Variants in ZNF804A observed in about 807,000 individuals in gnomAD.
ZNF804A encodes zinc finger protein 804A.
In ZNF804A, 2 loss-of-function variants were observed where a neutral mutation model predicts 16.5. The observed-to-expected ratio is 0.12, with a 90% CI of 0.05 to 0.38. ZNF804A has a LOEUF of 0.38. Ranked by LOEUF, ZNF804A falls within the 10% of genes least tolerant of loss-of-function variation. The pLI, the probability that ZNF804A is intolerant of heterozygous loss-of-function variation, is 0.99. For synonymous variants in ZNF804A, 534 were observed against 489.6 expected, an observed-to-expected ratio of 1.09 and a Z score of -1.20; for missense variants, 1,473 against 1,390.7, an observed-to-expected ratio of 1.06 and a Z score of -0.94.
chr2:184,804,339 C>G (rs1003513445), intron 1 of ZNF804A, among the ~76,000 whole-genome samples: 2 of 152,110 alleles, frequency 1.3e-5, no homozygotes, highest in African/African-American at 4.8e-5. Flanking sequence ...CACTATTAAA[C>G]CAACCAGAGA....
chr2:184,921,847 T>C (rs1211707682), intron 2 of ZNF804A, among the ~76,000 whole-genome samples: 2 of 152,012 alleles, frequency 1.3e-5, no homozygotes, highest in African/African-American at 2.4e-5. Flanking sequence ...TTATCTCCCA[T>C]AGATAAGTGA....
chr2:184,809,103 G>A (rs1694853735), intron 1 of ZNF804A, among the ~76,000 whole-genome samples: 1 of 151,858 alleles, frequency 6.6e-6, no homozygotes, highest in South Asian at 2.1e-4. Context: ...GTTAGGCAAT[G>A]TTTGGGGAAA....
At chr2:184,702,494 C>G (rs1198456851) in intron 1 of ZNF804A, among the ~76,000 whole-genome samples, 1 of 151,966 alleles carries the variant, frequency 6.6e-6, no homozygotes, top group Non-Finnish European at 1.5e-5. Flanking sequence ...ATTTCTAATC[C>G]TGACTCCTGA....
At position 184,870,678 on chromosome 2, in the gene ZNF804A, G is replaced by C. The variant is rs372423043; in HGVS notation, c.255+4166G>C. On this transcript the variant is annotated intron_variant, in intron 2 of 3. Transcript: ENST00000302277. ...CATATATATAAGTGTAAAAAGGCTA[G>C]TGTCAAAATTCATTTTGAGATTTTG... Among the ~76,000 whole-genome samples the C allele has an allele frequency of 8.4e-4, 128 of 152,108 alleles. 1 individual carries two copies. In the South Asian group the frequency reaches 0.026, roughly 31 times the overall value.
chr2:184,934,467 G>A (rs1194534505), intron 3 of ZNF804A, among the ~76,000 whole-genome samples: 2 of 151,988 alleles, frequency 1.3e-5, no homozygotes, highest in Non-Finnish European at 2.9e-5. Context: ...TATGGGATAC[G>A]TTGACATATC....
intron 1 of ZNF804A, among the ~76,000 whole-genome samples, chr2:184,724,997 G>A (rs1223159249): frequency 6.6e-6 from 1 of 151,702 alleles, no homozygotes; most frequent in Non-Finnish European, 1.5e-5. Context: ...TTAAAAATTA[G>A]TGAATACATA....
chr2:184,706,935 G>C (rs1417709083), intron 1 of ZNF804A, among the ~76,000 whole-genome samples: 1 of 152,122 alleles, frequency 6.6e-6, no homozygotes, highest in Admixed American at 6.5e-5. Context: ...GTTTATATGT[G>C]TATTTCAATA....
chr2:184,690,025 C>T (rs564382197), intron 1 of ZNF804A, among the ~76,000 whole-genome samples: 3 of 151,810 alleles, frequency 2.0e-5, no homozygotes, highest in Non-Finnish European at 2.9e-5. Context: ...AATTTCAAAA[C>T]ATCTCTCAAA....
At chr2:184,772,824 A>G (rs1694235932) in intron 1 of ZNF804A, among the ~76,000 whole-genome samples, 1 of 151,164 alleles carries the variant, frequency 6.6e-6, no homozygotes, top group South Asian at 2.1e-4. Flanking sequence ...CTTTTTTGTA[A>G]TAGACATCCT....
chr2:184,647,396 C>G (rs1293452562), intron 1 of ZNF804A, among the ~76,000 whole-genome samples: 1 of 152,136 alleles, frequency 6.6e-6, no homozygotes, highest in African/African-American at 2.4e-5. Context: ...GGTCCCTAAC[C>G]AAAATGGAAA....
intron 1 of ZNF804A, among the ~76,000 whole-genome samples, chr2:184,646,398 G>A (rs954977927): frequency 3.3e-5 from 5 of 152,182 alleles, no homozygotes; most frequent in Non-Finnish European, 7.3e-5. Context: ...GCTCCAGCCT[G>A]CTCCCTTGAG....
intron 1 of ZNF804A, among the ~76,000 whole-genome samples, chr2:184,796,353 T>TTTG (rs922994276): frequency 2.0e-5 from 3 of 150,804 alleles, no homozygotes; most frequent in Non-Finnish European, 4.5e-5. Context: ...GTCCTGGAAT[T>TTTG]TTGTTGTTGT....
chr2:184,610,263 A>C (rs1274969116), intron 1 of ZNF804A, among the ~76,000 whole-genome samples: 1 of 152,156 alleles, frequency 6.6e-6, no homozygotes, highest in African/African-American at 2.4e-5. Flanking sequence ...GACAACTGTA[A>C]AAAATAACTT....
intron 1 of ZNF804A, among the ~76,000 whole-genome samples, chr2:184,619,131 G>T (rs359882): frequency 6.6e-6 from 1 of 151,762 alleles, no homozygotes; most frequent in Non-Finnish European, 1.5e-5. Context: ...GTGAGCAGAC[G>T]TTTGGTGTGA....
chr2:184,811,370 G>C (rs2105786787), intron 1 of ZNF804A, among the ~76,000 whole-genome samples: 1 of 152,132 alleles, frequency 6.6e-6, no homozygotes, highest in South Asian at 2.1e-4. Flanking sequence ...TTAGTAAATT[G>C]AATCAAGAAC....
chr2:184,635,299 A>C (rs2105689220), intron 1 of ZNF804A, among the ~76,000 whole-genome samples: 1 of 152,286 alleles, frequency 6.6e-6, no homozygotes, highest in East Asian at 1.9e-4. Flanking sequence ...GTTTAGCAAT[A>C]AGTCAAACCA....
intron 1 of ZNF804A, among the ~76,000 whole-genome samples, chr2:184,813,390 G>C (rs1434934895): frequency 6.6e-6 from 1 of 152,000 alleles, no homozygotes. Flanking sequence ...GAAAATTGAG[G>C]GAGAATTAGG....
At chr2:184,676,889 A>C (rs1227395887) in intron 1 of ZNF804A, among the ~76,000 whole-genome samples, 1 of 151,764 alleles carries the variant, frequency 6.6e-6, no homozygotes, top group African/African-American at 2.4e-5. Flanking sequence ...ACTTCTACTA[A>C]AAATATAAAT....
intron 1 of ZNF804A, among the ~76,000 whole-genome samples, chr2:184,731,251 C>CAA (rs563068533): frequency 0.074 from 3,334 of 45,296 alleles, 455 homozygotes; most frequent in East Asian, 0.14. Context: ...GGCTCCGTCG[C>CAA]AAAAAAAAAA....
Sources: gnomAD v4.1 joint callset for allele counts (sites outside exome capture counted in the v4.1 genomes callset) on GRCh38, gnomAD v4.1.1 for gene constraint, MANE v1.5 for transcripts, NCBI Gene and HGNC (gene_info 2026-07-23, HGNC 2026-07-21) for gene names.